The following TBC1D9 variants were observed in gnomAD, a reference collection of about 807,000 sequenced individuals.
The protein encoded by TBC1D9 is TBC1 domain family member 9A.
TBC1D9 carries 63 observed loss-of-function variants against 132.0 expected under a neutral mutation model. The ratio of observed to expected loss-of-function variants is 0.48; its 90% CI spans 0.39 to 0.59. The LOEUF is 0.59. Ranked by LOEUF, TBC1D9 falls within the 20% of genes least tolerant of loss-of-function variation. TBC1D9 has a pLI of 0.00. For missense variants in TBC1D9, 1,261 were observed against 1,592.7 expected (o/e 0.79, Z 3.54); for synonymous variants, 610 against 609.9 (o/e 1.00, Z 0.00).
intron 6 of TBC1D9, 109 bp from the exon 7 acceptor site, chr4:140,671,035 C>T: frequency 2.2e-6 from 2 of 895,304 alleles, no homozygotes; most frequent in Non-Finnish European, 3.5e-6. Flanking sequence ...CTATAGGAAC[C>T]ACCTATATTT....
rs1314491050 is a variant in TBC1D9, at chr4:140,657,175, G to T, written c.2259C>A (p.His753Gln). The change falls in exon 13 of 21, where the codon CAC (histidine) becomes CAA (glutamine). Residue 753 changes from histidine to glutamine, a missense_variant. Physicochemically the swap from His to Gln is conservative, Grantham distance 24. This residue lies in a region of TBC1D9 where 618 missense variants were observed against 724.4 expected (regional missense o/e 0.85). Transcript: ENST00000442267. The stretch of plus-strand genomic sequence containing the variant: ...CATCATCGCTGAGCAAGGAGTGGAG[G>T]TGAGGAATGGGAGGCAGTGTGCTGT... The part of the protein sequence containing the change: ...NKDSTLPPIP[H>Q]LHSLLSDDVE... The T allele has an allele frequency of 2.5e-6, 4 of 1,613,794 alleles. No individual in the cohort carries two copies. The Admixed American group carries it at 6.7e-5, about 27-fold the overall frequency.
intron 1 of TBC1D9, among the ~76,000 whole-genome samples, chr4:140,727,767 A>AAATG (rs1190735127): frequency 1.3e-5 from 2 of 152,086 alleles, no homozygotes; most frequent in East Asian, 3.9e-4. Context: ...ACAAGTGAAT[A>AAATG]AATGAATGAA....
At chr4:140,679,554 A>G (rs1737674506) in intron 4 of TBC1D9, 61 bp downstream of exon 4, 1 of 1,178,906 alleles carries the variant, frequency 8.5e-7, no homozygotes, top group African/African-American at 1.5e-5. Flanking sequence ...GTGGTTTATG[A>G]GTTCAGGGCA....
intron 1 of TBC1D9, among the ~76,000 whole-genome samples, chr4:140,729,945 T>A (rs1738562333): frequency 6.6e-6 from 1 of 152,054 alleles, no homozygotes; most frequent in Non-Finnish European, 1.5e-5. Context: ...CTGTTTTGAA[T>A]GTATTGTCAC....
chr4:140,756,057 C>T lies in TBC1D9; in HGVS notation c.-12G>A. The T allele has an allele frequency of 1.2e-6, 2 of 1,602,664 alleles. No individual in the cohort carries two copies. The highest frequency in any genetic ancestry group is 1.7e-6 in the Non-Finnish European group (2 of 1,174,740). ...GGGTTCACCCACATGGTCCTGGCTG[C>T]CGCGGGCGGGCGCACAATGGGCCCG... On this transcript the variant is annotated 5_prime_UTR_variant, in exon 1 of 21. Coordinates refer to ENST00000442267, the MANE Select transcript of TBC1D9 (RefSeq NM_015130.3). The surrounding 1 kb of genome is among the most constrained non-coding windows in gnomAD (Gnocchi z 5.6).
At chr4:140,748,124 T>C (rs150356256) in intron 1 of TBC1D9, among the ~76,000 whole-genome samples, 8 of 152,238 alleles carry the variant, frequency 5.3e-5, no homozygotes, top group African/African-American at 1.7e-4. Context: ...TTTAAGTTAA[T>C]TGAGGCCTTA....
chr4:140,715,047 A>G (rs757017968), intron 1 of TBC1D9, among the ~76,000 whole-genome samples: 1 of 152,174 alleles, frequency 6.6e-6, no homozygotes, highest in Non-Finnish European at 1.5e-5. Flanking sequence ...TTTTGAGGCC[A>G]GGAGAGATCG....
intron 13 of TBC1D9, 52 bp from the exon 14 acceptor site, chr4:140,639,480 T>C: frequency 7.8e-7 from 1 of 1,282,242 alleles, no homozygotes; most frequent in South Asian, 1.3e-5. Context: ...CAGCACACAA[T>C]GTCCTGTCTG....
chr4:140,640,121 T>A (rs983387425), intron 13 of TBC1D9, among the ~76,000 whole-genome samples: 4 of 152,200 alleles, frequency 2.6e-5, no homozygotes, highest in African/African-American at 7.2e-5. Flanking sequence ...AAAAAGTATC[T>A]GAGACAGGTC....
chr4:140,652,586 G>T (rs78808749), intron 13 of TBC1D9, among the ~76,000 whole-genome samples: 3,812 of 152,212 alleles, frequency 0.025, 170 homozygotes, highest in African/African-American at 0.086. Flanking sequence ...TGGCTTTAAT[G>T]CAAGGGAGCT....
rs1560865081 is a variant in TBC1D9 at position 140,628,382 on chromosome 4, T to C, written c.2747-17A>G. ...ATGCAGCACCTAGAAGTCACATAAG[T>C]ACCAATGTGAAATGCATCACATGTG... On this transcript the variant is annotated splice_polypyrimidine_tract_variant and intron_variant, in intron 16 of 20. Coordinates refer to ENST00000442267, the MANE Select transcript of TBC1D9 (RefSeq NM_015130.3). The C allele has an allele frequency of 2.5e-6, 4 of 1,611,164 alleles. No homozygotes were observed. Among genetic ancestry groups the C allele is most frequent in the Admixed American group, 3.3e-5 (2 of 60,014 alleles).
intron 18 of TBC1D9, among the ~76,000 whole-genome samples, chr4:140,626,366 T>C (rs1736710257): frequency 6.6e-6 from 1 of 152,174 alleles, no homozygotes; most frequent in Non-Finnish European, 1.5e-5. Flanking sequence ...TATACATAGC[T>C]AGTGTTCTGT....
At chr4:140,658,110 A>G (rs572396132) in intron 11 of TBC1D9, among the ~76,000 whole-genome samples, 4 of 152,352 alleles carry the variant, frequency 2.6e-5, no homozygotes, top group Admixed American at 2.6e-4. Context: ...ACATACAATT[A>G]GTTATTTTGT....
intron 1 of TBC1D9, among the ~76,000 whole-genome samples, chr4:140,744,555 C>T (rs184145865): frequency 2.6e-4 from 40 of 152,212 alleles, no homozygotes; most frequent in African/African-American, 9.4e-4. Flanking sequence ...CCATCTATTC[C>T]CACTAAGGGC....
At chr4:140,724,908 C>T (rs984210173) in intron 1 of TBC1D9, among the ~76,000 whole-genome samples, 3 of 152,188 alleles carry the variant, frequency 2.0e-5, no homozygotes, top group African/African-American at 7.2e-5. Flanking sequence ...TATGATAACA[C>T]ATTCTGTTTT....
chr4:140,657,553 A>G lies in TBC1D9; in HGVS notation c.2181T>C (p.Asp727=). ...TTCCCAAAACGGTCATGGCCTCCCCATCATCCTTGCAGTTCAACAGTTTGT... is the reference window on the plus strand; with the variant it reads ...TTCCCAAAACGGTCATGGCCTCCCCGTCATCCTTGCAGTTCAACAGTTTGT... The part of the protein sequence containing the change: ...NVDKLLNCKD[D]GEAMTVLGRY... The change falls in exon 12 of 21, where the codon GAT becomes GAC. Residue 727 remains aspartate, a synonymous_variant. Transcript: ENST00000442267. 2 of 1,613,876 alleles carry G rather than the reference A, an allele frequency of 1.2e-6. No homozygotes were observed. The highest frequency in any genetic ancestry group is 1.7e-6 in the Non-Finnish European group (2 of 1,179,822).
rs1737371136 is a variant in TBC1D9, at chr4:140,662,123, CA to C, written c.1589-17del. 17 of 1,600,748 alleles carry C rather than the reference CA, an allele frequency of 1.1e-5. No homozygotes were observed. Among genetic ancestry groups the C allele is most frequent in the Middle Eastern group, 1.7e-4 (1 of 6,034 alleles). On this transcript the variant is annotated splice_polypyrimidine_tract_variant and intron_variant, in intron 9 of 20. Coordinates refer to ENST00000442267, the MANE Select transcript of TBC1D9 (RefSeq NM_015130.3). ...TTGATGGCACCTGAGATATATCCAA[CA>C]GATACAGTATCAAAAACGTGAGAGC...
chr4:140,723,531 G>T (rs376684919), intron 1 of TBC1D9, among the ~76,000 whole-genome samples: 2 of 151,924 alleles, frequency 1.3e-5, no homozygotes, highest in African/African-American at 4.8e-5. Flanking sequence ...ACAGGGTTTC[G>T]CCATAGTGGC....
intron 12 of TBC1D9, 68 bp downstream of exon 12, chr4:140,657,459 A>T: frequency 1.3e-6 from 2 of 1,516,104 alleles, no homozygotes; most frequent in Non-Finnish European, 1.8e-6. Context: ...GTTAAGACTC[A>T]TGAAATGAAG....
Sources: allele counts gnomAD v4.1 joint callset (sites outside exome capture counted in the v4.1 genomes callset), GRCh38; gene constraint gnomAD v4.1.1; regional missense constraint gnomAD v4.1.1; non-coding constraint Gnocchi (gnomAD v3.1); transcripts MANE v1.5; gene names NCBI Gene and HGNC (gene_info 2026-07-23, HGNC 2026-07-21).